E2F4: variants seen among roughly 807,000 people sequenced by gnomAD.
The protein encoded by E2F4 is E2F transcription factor 4, also known as transcription factor E2F4.
In E2F4, 16 loss-of-function variants were observed where a neutral mutation model predicts 44.5. The observed-to-expected ratio is 0.36, with a 90% CI of 0.24 to 0.55. The LOEUF (loss-of-function observed/expected upper bound fraction) is 0.55, where lower values mean the gene tolerates loss of function less well. E2F4 is among the 20% of genes least tolerant of loss of function. The pLI is 0.87. For synonymous variants in E2F4, 242 were observed against 207.2 expected (o/e 1.17, Z -1.44); for missense variants, 473 against 522.1 (o/e 0.91, Z 0.92).
At chr16:67,193,337 CT>C in intron 3 of E2F4, 134 bp from the exon 4 acceptor site, 1 of 1,490,144 alleles carries the variant, frequency 6.7e-7, no homozygotes, top group Non-Finnish European at 9.3e-7. Context: ...CCTGTGATCC[CT>C]CCCCCGGTGG....
At position 67,193,255 on chromosome 16, in the gene E2F4, T is replaced by G; in HGVS notation, c.407+85T>G. 2.6e-6 allele frequency: 4 copies of G among 1,526,412 alleles called. No individual in the cohort carries two copies. In the South Asian group the frequency reaches 5.0e-5, roughly 19 times the overall value. 94.6% of individuals were successfully genotyped at this position (1,526,412 alleles called of 1,614,324 possible). On this transcript the variant is annotated intron_variant, in intron 3 of 9. Coordinates refer to ENST00000379378, the MANE Select transcript of E2F4 (RefSeq NM_001950.4). ...CCCTGAGTCCTGTTCCTCTTGGGAGTTTGTCTTATAGCCACTGGCCATGGC... is the reference window on the plus strand; with the variant it reads ...CCCTGAGTCCTGTTCCTCTTGGGAGGTTGTCTTATAGCCACTGGCCATGGC...
chr16:67,195,019 G>A, intron 6 of E2F4, 39 bp downstream of exon 6: 1 of 1,592,198 alleles, frequency 6.3e-7, no homozygotes. Context: ...GGCCCAAGAG[G>A]TAGTATCTCT....
In E2F4 at chr16:67,194,802, A is replaced by G; in HGVS notation, c.630A>G (p.Pro210=). ...CACCCCCTGTGGCTGTGCCTGTGCC[A>G]CCACCTGAAGATTTGCTCCAGAGCC... ...WSSPPVAVPV[P]PPEDLLQSPS... The change falls in exon 6 of 10, where the codon CCA becomes CCG. Residue 210 remains proline (P), a synonymous_variant. Coordinates refer to ENST00000379378, the MANE Select transcript of E2F4 (RefSeq NM_001950.4). The G allele has an allele frequency of 3.7e-6, 6 of 1,614,174 alleles. No homozygotes were observed. In the South Asian group the frequency reaches 6.6e-5, roughly 18 times the overall value.
At position 67,193,309 on chromosome 16, in the gene E2F4, C is replaced by A. The variant is rs564776904; in HGVS notation, c.407+139C>A. On this transcript the variant is annotated intron_variant, in intron 3 of 9. Transcript: ENST00000379378. ...GCCTCAGGCTCCCTCCTCAGAGCCCCTCCCCTTCCACTCTTAGCCTGTGAT... is the reference window on the plus strand; with the variant it reads ...GCCTCAGGCTCCCTCCTCAGAGCCCATCCCCTTCCACTCTTAGCCTGTGAT... The A allele has an allele frequency of 1.2e-4, 184 of 1,491,470 alleles. 1 individual carries two copies. In the East Asian group the frequency reaches 4.1e-3, roughly 33 times the overall value. The allele number at this position is 1,491,470 out of a possible 1,614,324, so 92.4% of individuals were successfully genotyped here.
At position 67,194,923 on chromosome 16, in the gene E2F4, G is replaced by A. The variant is rs201493100; in HGVS notation, c.751G>A (p.Ala251Thr). The change falls in exon 6 of 10, where the codon GCT (alanine) becomes ACT (threonine). Residue 251 changes from alanine (A) to threonine (T), a missense_variant. Physicochemically the swap from Ala to Thr is moderately conservative, Grantham distance 58. Coordinates refer to ENST00000379378, the MANE Select transcript of E2F4 (RefSeq NM_001950.4). ...AAATAGTCCTCAGCTCACTCCCACT[G>A]CTGTCCCTGGCAGTGCAGAAGTCCA... ...RPNSPQLTPTAVPGSAEVQGM... is the reference protein window; with the variant it reads ...RPNSPQLTPTTVPGSAEVQGM... The A allele has an allele frequency of 3.7e-6, 6 of 1,614,172 alleles. No individual in the cohort carries two copies. The East Asian group carries it at 1.3e-4, about 36-fold the overall frequency.
intron 6 of E2F4, 194 bp from the exon 7 acceptor site, chr16:67,195,588 C>T (rs1407218613): frequency 1.1e-5 from 13 of 1,206,856 alleles, no homozygotes; most frequent in Middle Eastern, 2.9e-4. Flanking sequence ...GAGTCTTCTT[C>T]TGTAGGTCTT....
chr16:67,192,262 C>A lies in E2F4; in HGVS notation c.35C>A (p.Pro12Gln). 1 of 1,293,194 alleles carries A rather than the reference C, an allele frequency of 7.7e-7. No homozygotes were observed. Among genetic ancestry groups the A allele is most frequent in the Non-Finnish European group, 9.8e-7 (1 of 1,016,184 alleles). 80.1% of individuals were successfully genotyped at this position (1,293,194 alleles called of 1,614,324 possible). A position where few individuals can be genotyped will look rare whatever the true frequency, so the allele number is the denominator to read the frequency against. ...GCCGGGCCACAGGCGCCGCCGCCCC[C>A]GGGCACTCCAAGCCGGCACGAAAAG... ...AEAGPQAPPPPGTPSRHEKSL... is the reference protein window; with the variant it reads ...AEAGPQAPPPQGTPSRHEKSL... Residue 12 changes from proline (P) to glutamine (Q), a missense_variant, in exon 1 of 10, where the codon CCG becomes CAG. This residue lies in a region of E2F4 where 40 missense variants were observed against 30.8 expected (regional missense o/e 1.30). Coordinates refer to ENST00000379378, the MANE Select transcript of E2F4 (RefSeq NM_001950.4).
At chr16:67,194,624 G>A (rs1187059033) in intron 5 of E2F4, 62 bp from the exon 6 acceptor site, 80 of 1,585,812 alleles carry the variant, frequency 5.0e-5, no homozygotes, top group Non-Finnish European at 6.4e-5. Flanking sequence ...ACCCGGAGTC[G>A]GGCAGGAGCC....
chr16:67,195,330 C>T (rs553835243), intron 6 of E2F4, among the ~76,000 whole-genome samples: 22 of 152,136 alleles, frequency 1.4e-4, no homozygotes, highest in Non-Finnish European at 2.8e-4. Context: ...TGGGGTTTCA[C>T]CATGTTGGCC....
intron 6 of E2F4, chr16:67,195,541 C>T (rs758945527): frequency 6.8e-5 from 53 of 777,662 alleles, no homozygotes; most frequent in African/African-American, 1.0e-4. Context: ...CCTGGTAGCC[C>T]GTCTTGAAGT....
rs1028589329 is a variant in E2F4, at chr16:67,192,471, C to T, written c.135+109C>T. 1.0e-4 allele frequency: 141 copies of T among 1,342,976 alleles called. No individual in the cohort carries two copies. The African/African-American group carries it at 1.7e-3, about 16-fold the overall frequency. The allele number at this position is 1,342,976 out of a possible 1,614,324, so 83.2% of individuals were successfully genotyped here. A position where few individuals can be genotyped will look rare whatever the true frequency, so the allele number is the denominator to read the frequency against. ...GGGTCCTCCGAGAGCCGGCCGCCAT[C>T]GTGTGCTTTCTCACAGGAGAGAAGC... On this transcript the variant is annotated intron_variant, in intron 1 of 9. Coordinates refer to ENST00000379378, the MANE Select transcript of E2F4 (RefSeq NM_001950.4).
intron 1 of E2F4, 165 bp downstream of exon 1, chr16:67,192,527 C>T: frequency 9.0e-7 from 1 of 1,111,408 alleles, no homozygotes; most frequent in Non-Finnish European, 1.2e-6. Flanking sequence ...CGGCCGAGGC[C>T]ATCGAGCTAC....
Position 67,192,808 on chromosome 16 carries a change from T to C in E2F4, c.183T>C (p.Ile61=). 1 of 1,613,042 alleles carries C rather than the reference T, an allele frequency of 6.2e-7. No homozygotes were observed. The part of the protein sequence containing the change: ...AVRQKRRIYD[I]TNVLEGIGLI... Reference sequence around the variant, plus strand: ...GCCAGAAGCGGCGGATTTACGACATTACCAATGTTTTGGAAGGTATCGGGC... The same window carrying C: ...GCCAGAAGCGGCGGATTTACGACATCACCAATGTTTTGGAAGGTATCGGGC... Residue 61 remains isoleucine, a synonymous_variant, in exon 2 of 10, where the codon ATT becomes ATC. Coordinates refer to ENST00000379378, the MANE Select transcript of E2F4 (RefSeq NM_001950.4).
chr16:67,194,994 G>C lies in E2F4; in HGVS notation c.808+14G>C, dbSNP rs775985947. 6.2e-7 allele frequency: 1 copy of C among 1,607,650 alleles called. No homozygotes were observed. The highest frequency in any genetic ancestry group is 8.5e-7 in the Non-Finnish European group (1 of 1,175,052). ...CTGAGATCACAGGTGAGGCACCATG[G>C]GAGCTTGTGACAGAGGCCCAAGAGG... On this transcript the variant is annotated intron_variant, in intron 6 of 9. Coordinates refer to ENST00000379378, the MANE Select transcript of E2F4 (RefSeq NM_001950.4).
At chr16:67,192,611 T>A (rs1328043575) in intron 1 of E2F4, 150 bp from the exon 2 acceptor site, 9 of 929,334 alleles carry the variant, frequency 9.7e-6, no homozygotes, top group Admixed American at 2.6e-5. Flanking sequence ...AAGAGCTGCC[T>A]ATGGGACAGA....
At chr16:67,197,404 C>T (rs1307784921) in intron 7 of E2F4, among the ~76,000 whole-genome samples, 195 bp from the exon 8 acceptor site, 1 of 152,170 alleles carries the variant, frequency 6.6e-6, no homozygotes, top group Non-Finnish European at 1.5e-5. Context: ...CTTTGGTACC[C>T]TGGGCTCAGC....
rs904964401 is a variant in E2F4, at chr16:67,197,969, G to A, written c.1127-39G>A. On this transcript the variant is annotated intron_variant, in intron 9 of 9. Coordinates refer to ENST00000379378, the MANE Select transcript of E2F4 (RefSeq NM_001950.4). ...GGCAGGGGTTGGGCTGCTGCTAGGG[G>A]AGCCCTGGCCCAGGGCCTGAGACTA... 3 of 1,613,278 alleles carry A rather than the reference G, an allele frequency of 1.9e-6. No individual in the cohort carries two copies. The African/African-American group carries it at 4.0e-5, about 22-fold the overall frequency.
chr16:67,192,727 A>G, intron 1 of E2F4, 34 bp from the exon 2 acceptor site: 1 of 1,577,116 alleles, frequency 6.3e-7, no homozygotes, highest in Non-Finnish European at 8.6e-7. Flanking sequence ...TACACCCCAG[A>G]GTGGGGCTGA....
rs1328012886 is a variant in E2F4, at chr16:67,195,770, C to T, written c.809-12C>T. On this transcript the variant is annotated splice_polypyrimidine_tract_variant and intron_variant, in intron 6 of 9. Coordinates refer to ENST00000379378, the MANE Select transcript of E2F4 (RefSeq NM_001950.4). ...GACCTTGTATGACTGGGTTTGGGGGCTATCATTGTAGTGAGTGGCGGCCCT... is the reference window on the plus strand; with the variant it reads ...GACCTTGTATGACTGGGTTTGGGGGTTATCATTGTAGTGAGTGGCGGCCCT... 1 of 1,613,976 alleles carries T rather than the reference C, an allele frequency of 6.2e-7. No homozygotes were observed. Among genetic ancestry groups the T allele is most frequent in the Non-Finnish European group, 8.5e-7 (1 of 1,179,936 alleles).
Sources: gnomAD v4.1 joint callset for allele counts (sites outside exome capture counted in the v4.1 genomes callset) on GRCh38, gnomAD v4.1.1 for gene constraint, gnomAD v4.1.1 regional missense constraint, MANE v1.5 for transcripts, NCBI Gene and HGNC (gene_info 2026-07-23, HGNC 2026-07-21) for gene names.